The following CDKN2B-AS1 variants were observed in gnomAD, a reference collection of about 807,000 sequenced individuals.
The protein encoded by CDKN2B-AS1 is CDKN2B antisense RNA 1 (non-protein coding).
chr9:22,113,001 A>G (rs1342265736), intron 4 of CDKN2B-AS1, among the ~76,000 whole-genome samples: 1 of 152,214 alleles, frequency 6.6e-6, no homozygotes, highest in Non-Finnish European at 1.5e-5. Flanking sequence ...TGTGATAAAA[A>G]TAGTGACGAA....
rs903202300 is a variant in CDKN2B-AS1, at chr9:22,008,648, A to C, written n.29+13487A>C. The C allele has an allele frequency of 8.7e-6, 14 of 1,600,516 alleles. No homozygotes were observed. The African/African-American group carries it at 1.9e-4, about 21-fold the overall frequency. On this transcript the variant is annotated intron_variant and non_coding_transcript_variant, in intron 1 of 4. Coordinates refer to ENST00000650946, the Ensembl canonical transcript of CDKN2B-AS1. ...CTCTTTAGGATTTTTGCTGGGTAAA[A>C]GCCTGTTTTACGCGTGGAATGCACA...
chr9:22,027,993 A>G (rs963563152), intron 1 of CDKN2B-AS1, among the ~76,000 whole-genome samples: 5 of 152,192 alleles, frequency 3.3e-5, no homozygotes, highest in African/African-American at 4.8e-5. Flanking sequence ...TAAGAAATCA[A>G]TATCTTCATC....
At chr9:22,024,223 C>G (rs527749336) in intron 1 of CDKN2B-AS1, among the ~76,000 whole-genome samples, 5 of 152,170 alleles carry the variant, frequency 3.3e-5, no homozygotes, top group Non-Finnish European at 5.9e-5. Flanking sequence ...GTTCACCTCC[C>G]AACTCCTGGA....
At chr9:22,061,455 G>T (rs1823815297) in intron 4 of CDKN2B-AS1, among the ~76,000 whole-genome samples, 1 of 152,072 alleles carries the variant, frequency 6.6e-6, no homozygotes, top group Admixed American at 6.5e-5. Flanking sequence ...AAAATATAAA[G>T]ATCTTTAAAA....
In CDKN2B-AS1 at chr9:22,005,207, A is replaced by C. The variant is rs1376046251; in HGVS notation, n.29+10046A>C. The C allele has an allele frequency of 4.3e-6, 1 of 233,612 alleles. No individual in the cohort carries two copies. Among genetic ancestry groups the C allele is most frequent in the East Asian group, 6.0e-5 (1 of 16,588 alleles). The allele number at this position is 233,612 out of a possible 1,614,324, so 14.5% of individuals were successfully genotyped here. On this transcript the variant is annotated intron_variant and non_coding_transcript_variant, in intron 1 of 4. Transcript: ENST00000650946. This position sits in a 1 kb window ranked among gnomAD's most constrained non-coding sequence, Gnocchi z 4.9. ...TCCACTCCACCACCTCATCCTGTGT[A>C]GTCTGCCTGCGGAACCCGCGGGAAT...
chr9:22,011,013 G>A (rs1052948666), intron 1 of CDKN2B-AS1, among the ~76,000 whole-genome samples: 1 of 152,188 alleles, frequency 6.6e-6, no homozygotes, highest in Non-Finnish European at 1.5e-5. Context: ...TCTTGCACGA[G>A]GCAGATGTGT....
chr9:22,011,457 CA>C (rs1821505435), intron 1 of CDKN2B-AS1, among the ~76,000 whole-genome samples: 1 of 152,186 alleles, frequency 6.6e-6, no homozygotes, highest in South Asian at 2.1e-4. Context: ...TTCAATTTTA[CA>C]GACAAGCCAA....
intron 4 of CDKN2B-AS1, chr9:22,066,364 T>A (rs4977755): frequency 0.65 from 98,113 of 151,488 alleles, 32,119 homozygotes; most frequent in East Asian, 0.87. Flanking sequence ...GTTAGTTTTT[T>A]AATTTTTTTT....
chr9:22,053,067 T>C (rs913899803), intron 3 of CDKN2B-AS1, among the ~76,000 whole-genome samples: 9 of 152,218 alleles, frequency 5.9e-5, no homozygotes, highest in African/African-American at 2.2e-4. Context: ...TAATCTTCTG[T>C]GAATTTGCAG....
Position 22,011,010 on chromosome 9 carries a change from C to T in CDKN2B-AS1, n.29+15849C>T, listed in dbSNP as rs117344047. Among the ~76,000 whole-genome samples the T allele has an allele frequency of 5.0e-4, 76 of 152,264 alleles. No individual in the cohort carries two copies. The East Asian group carries it at 0.014, about 29-fold the overall frequency. ...AAGTAAAATGACTGAGAATCTTGCA[C>T]GAGGCAGATGTGTGAGCTTCGCGAA... is the stretch of plus-strand genomic sequence containing the variant. On this transcript the variant is annotated intron_variant and non_coding_transcript_variant, in intron 1 of 4. Transcript: ENST00000650946.
At chr9:22,037,417 T>A (rs972157696) in intron 1 of CDKN2B-AS1, among the ~76,000 whole-genome samples, 1 of 152,050 alleles carries the variant, frequency 6.6e-6, no homozygotes, top group Non-Finnish European at 1.5e-5. Context: ...CTGGCAAGAC[T>A]CTACCTGGTT....
At chr9:22,018,691 T>C (rs1821888229) in intron 1 of CDKN2B-AS1, among the ~76,000 whole-genome samples, 1 of 152,212 alleles carries the variant, frequency 6.6e-6, no homozygotes, top group Non-Finnish European at 1.5e-5. Flanking sequence ...GTATGTGATG[T>C]AAAGAGCGCC....
chr9:22,087,456 T>A (rs1824902471), intron 4 of CDKN2B-AS1, among the ~76,000 whole-genome samples: 1 of 152,214 alleles, frequency 6.6e-6, no homozygotes, highest in Admixed American at 6.5e-5. Flanking sequence ...TTTTTAAAGA[T>A]GCTTTTAGTT....
intron 1 of CDKN2B-AS1, among the ~76,000 whole-genome samples, chr9:22,035,620 A>C (rs1441252040): frequency 1.3e-5 from 2 of 152,106 alleles, no homozygotes; most frequent in African/African-American, 4.8e-5. Flanking sequence ...GAATGTTGGC[A>C]CCAATATATT....
chr9:22,024,113 T>G (rs184209231), intron 1 of CDKN2B-AS1, among the ~76,000 whole-genome samples: 4 of 152,334 alleles, frequency 2.6e-5, no homozygotes, highest in Admixed American at 2.6e-4. Flanking sequence ...ATTTGGATTA[T>G]TTTTTCTTTT....
intron 1 of CDKN2B-AS1, among the ~76,000 whole-genome samples, chr9:22,024,651 A>T (rs932198375): frequency 1.3e-5 from 2 of 152,146 alleles, no homozygotes; most frequent in Non-Finnish European, 2.9e-5. Context: ...TCTGTCTGCA[A>T]TGGTGGTTGA....
intron 4 of CDKN2B-AS1, among the ~76,000 whole-genome samples, chr9:22,093,685 A>G (rs1452450554): frequency 7.0e-6 from 1 of 142,188 alleles, no homozygotes; most frequent in East Asian, 2.0e-4. Context: ...ATCTTCCTCC[A>G]TCCCTTTATT....
chr9:22,051,794 C>T (rs991005355), intron 3 of CDKN2B-AS1, among the ~76,000 whole-genome samples: 1 of 152,120 alleles, frequency 6.6e-6, no homozygotes, highest in Non-Finnish European at 1.5e-5. Flanking sequence ...ATTATACTCA[C>T]ATCGAAACAC....
chr9:22,062,330 C>T (rs1373834583), intron 4 of CDKN2B-AS1, among the ~76,000 whole-genome samples: 1 of 152,154 alleles, frequency 6.6e-6, no homozygotes, highest in African/African-American at 2.4e-5. Flanking sequence ...ATTGAAGATA[C>T]TACATTCTTG....
Sources: gnomAD v4.1 joint callset for allele counts (sites outside exome capture counted in the v4.1 genomes callset) on GRCh38, gnomAD v4.1.1 for gene constraint, Gnocchi (gnomAD v3.1) non-coding constraint, MANE v1.5 for transcripts, NCBI Gene and HGNC (gene_info 2026-07-23, HGNC 2026-07-21) for gene names.